The following EPM2A variants were observed in gnomAD, a reference collection of about 807,000 sequenced individuals.
EPM2A encodes EPM2A glucan phosphatase, laforin, also known as laforin.
In EPM2A, 21 loss-of-function variants were observed where a neutral mutation model predicts 26.5. The observed-to-expected ratio is 0.79, with a 90% CI of 0.56 to 1.14. The LOEUF (loss-of-function observed/expected upper bound fraction) is 1.14, where lower values mean the gene tolerates loss of function less well. Ranked by LOEUF, EPM2A falls within the 50% of genes most tolerant of loss-of-function variation. The pLI, the probability that EPM2A is intolerant of heterozygous loss-of-function variation, is 0.00. For missense variants in EPM2A, 458 were observed against 440.8 expected (o/e 1.04, Z -0.35); for synonymous variants, 217 against 177.6 (o/e 1.22, Z -1.76).
chr6:145,471,204 G>C (rs191628153), intron 4 of EPM2A, among the ~76,000 whole-genome samples: 92 of 152,164 alleles, frequency 6.0e-4, no homozygotes, highest in African/African-American at 2.2e-3. Flanking sequence ...TGAATCTATT[G>C]ATTGATCAAT....
chr6:145,620,515 A>G (rs529117437), downstream of EPM2A, among the ~76,000 whole-genome samples: 1 of 152,344 alleles, frequency 6.6e-6, no homozygotes, highest in East Asian at 1.9e-4. Flanking sequence ...TTTAATATTA[A>G]GAAGGCAGCA....
At chr6:145,601,748 T>C (rs1781419683) in intron 2 of EPM2A, among the ~76,000 whole-genome samples, 1 of 152,184 alleles carries the variant, frequency 6.6e-6, no homozygotes. Context: ...ACTGAAACTT[T>C]CTTTCCCAGC....
chr6:145,459,688 A>T (rs948655652), intron 4 of EPM2A, among the ~76,000 whole-genome samples: 2 of 147,422 alleles, frequency 1.4e-5, no homozygotes, highest in Admixed American at 1.4e-4. Context: ...TTTACTATAC[A>T]CTTCTTTTAG....
chr6:145,425,347 T>C (rs1353693117), intron 4 of EPM2A, among the ~76,000 whole-genome samples: 1 of 152,110 alleles, frequency 6.6e-6, no homozygotes, highest in Non-Finnish European at 1.5e-5. Context: ...CTAATTTTTG[T>C]ATTTTTTAGT....
At chr6:145,719,594 T>C (rs546338037) in intron 1 of EPM2A, among the ~76,000 whole-genome samples, 23 of 151,996 alleles carry the variant, frequency 1.5e-4, no homozygotes, top group Non-Finnish European at 2.1e-4. Flanking sequence ...GCACATTGTG[T>C]ACATGTACCC....
intron 2 of EPM2A, among the ~76,000 whole-genome samples, chr6:145,541,633 ATC>A (rs1780512204): frequency 6.6e-6 from 1 of 152,158 alleles, no homozygotes; most frequent in African/African-American, 2.4e-5. Context: ...TGGCACGGTT[ATC>A]TGTCATATTG....
chr6:145,574,210 G>A lies in EPM2A; in HGVS notation c.340+61035C>T, dbSNP rs185360703. On this transcript the variant is annotated intron_variant, in intron 2 of 3. Transcript: ENST00000450221. ...ATTCAAATTACTCTCTTGTCCACTCGACCTATAAGTTTTCTGCTTGTATAA... is the reference window on the plus strand; with the variant it reads ...ATTCAAATTACTCTCTTGTCCACTCAACCTATAAGTTTTCTGCTTGTATAA... Among the ~76,000 whole-genome samples the A allele has an allele frequency of 3.9e-4, 59 of 152,086 alleles. No individual in the cohort carries two copies. The East Asian group carries it at 4.5e-3, about 11-fold the overall frequency.
At chr6:145,543,680 T>C (rs1780545277) in intron 2 of EPM2A, among the ~76,000 whole-genome samples, 1 of 152,210 alleles carries the variant, frequency 6.6e-6, no homozygotes, top group South Asian at 2.1e-4. Context: ...ATATTAAGAA[T>C]ATATTCCAGG....
intron 1 of EPM2A, among the ~76,000 whole-genome samples, chr6:145,699,630 A>G (rs1008212482): frequency 6.6e-6 from 1 of 152,176 alleles, no homozygotes; most frequent in Non-Finnish European, 1.5e-5. Flanking sequence ...TAGGAAATGG[A>G]TAAGAACAAA....
downstream of EPM2A, among the ~76,000 whole-genome samples, chr6:145,623,062 T>C (rs1023873612): frequency 1.3e-5 from 2 of 152,214 alleles, no homozygotes; most frequent in Admixed American, 6.5e-5. Context: ...ACTTAGACAA[T>C]ACCTATAACA....
At chr6:145,696,107 A>G (rs1781557179) in intron 1 of EPM2A, among the ~76,000 whole-genome samples, 1 of 152,092 alleles carries the variant, frequency 6.6e-6, no homozygotes, top group African/African-American at 2.4e-5. Context: ...TGAAACTAGA[A>G]CTCAATCATA....
chr6:145,663,679 C>G (rs1189191372), intron 2 of EPM2A, among the ~76,000 whole-genome samples: 96 of 144,524 alleles, frequency 6.6e-4, no homozygotes, highest in African/African-American at 2.3e-3. Flanking sequence ...CAAAGATACT[C>G]CTCGAGAAGA....
chr6:145,708,748 C>T (rs1782370476), intron 1 of EPM2A, among the ~76,000 whole-genome samples: 1 of 152,218 alleles, frequency 6.6e-6, no homozygotes, highest in East Asian at 1.9e-4. Flanking sequence ...AGAGTCCCCA[C>T]TGGGGCACTG....
At chr6:145,388,038 A>G (rs1186219532) in intron 4 of EPM2A, among the ~76,000 whole-genome samples, 1 of 152,212 alleles carries the variant, frequency 6.6e-6, no homozygotes, top group Non-Finnish European at 1.5e-5. Context: ...AACCGTGATC[A>G]TAAGATCTGT....
At chr6:145,601,224 T>C (rs1389063195) in intron 2 of EPM2A, among the ~76,000 whole-genome samples, 1 of 152,240 alleles carries the variant, frequency 6.6e-6, no homozygotes, top group African/African-American at 2.4e-5. Flanking sequence ...AGGTATAACC[T>C]TTTTATTATC....
intron 4 of EPM2A, among the ~76,000 whole-genome samples, chr6:145,478,959 T>C (rs1779578972): frequency 6.6e-6 from 1 of 151,622 alleles, no homozygotes; most frequent in African/African-American, 2.4e-5. Context: ...TATGTACTTT[T>C]CGCTTGATTT....
chr6:145,663,326 T>G (rs1186921361), intron 2 of EPM2A, among the ~76,000 whole-genome samples: 1 of 152,184 alleles, frequency 6.6e-6, no homozygotes. Context: ...ACGGGTGATT[T>G]CTGCATTTCC....
At chr6:145,599,042 T>A (rs796185537) in intron 2 of EPM2A, among the ~76,000 whole-genome samples, 1 of 152,314 alleles carries the variant, frequency 6.6e-6, no homozygotes, top group African/African-American at 2.4e-5. Context: ...GGTAACATGA[T>A]GTCTCTAGCT....
chr6:145,598,329 G>A lies in EPM2A; in HGVS notation c.340+36916C>T, dbSNP rs117394075. 4.7e-3 allele frequency among the ~76,000 whole-genome samples: 708 copies of A among 152,092 alleles called. 26 individuals carry two copies. The East Asian group carries it at 0.084, about 18-fold the overall frequency. On this transcript the variant is annotated intron_variant, in intron 2 of 3. Transcript: ENST00000450221. ...ATACATTTCCCTAATGATCAGTGAC[G>A]TTGAGCTTTATTTCATATGTTTGTT...
Sources: allele counts gnomAD v4.1 joint callset (sites outside exome capture counted in the v4.1 genomes callset), GRCh38; gene constraint gnomAD v4.1.1; transcripts MANE v1.5; gene names NCBI Gene and HGNC (gene_info 2026-07-23, HGNC 2026-07-21).